ARL6IP6: variants seen among roughly 807,000 people sequenced by gnomAD.
The protein encoded by ARL6IP6 is ARF like GTPase 6 interacting protein 6.
In ARL6IP6, 22 loss-of-function variants were observed where a neutral mutation model predicts 21.5. That is an observed-to-expected ratio of 1.02 (90% confidence interval 0.73 to 1.46). The LOEUF (loss-of-function observed/expected upper bound fraction) is 1.46, where lower values mean the gene tolerates loss of function less well. ARL6IP6 is among the 40% of genes most tolerant of loss of function. The pLI, the probability that ARL6IP6 is intolerant of heterozygous loss-of-function variation, is 0.00. For synonymous variants in ARL6IP6, 164 were observed against 125.3 expected (o/e 1.31, Z -2.06); for missense variants, 388 against 299.8 (o/e 1.29, Z -2.17).
In ARL6IP6 at chr2:152,760,494, T is replaced by C. The variant is rs1381398914; in HGVS notation, c.*654T>C. Reference sequence around the variant, plus strand: ...CAACTGTAAACATTATTTTTTTAGCTAGTGCAAACCTAGTACCTGCCATTT... The same window carrying C: ...CAACTGTAAACATTATTTTTTTAGCCAGTGCAAACCTAGTACCTGCCATTT... On this transcript the variant is annotated 3_prime_UTR_variant, in exon 4 of 4. Transcript: ENST00000326446. The C allele has an allele frequency of 1.3e-5, 2 of 152,018 alleles. 1 individual carries two copies. The highest frequency in any genetic ancestry group is 3.8e-4 in the East Asian group (2 of 5,198). 9.4% of individuals were successfully genotyped at this position (152,018 alleles called of 1,614,324 possible).
chr2:152,738,143 A>C (rs373525921), intron 3 of ARL6IP6, among the ~76,000 whole-genome samples: 2 of 152,212 alleles, frequency 1.3e-5, no homozygotes, highest in South Asian at 2.1e-4. Context: ...TAAAGCTCCA[A>C]AATGATCTCC....
At chr2:152,733,014 G>A (rs1342342419) in intron 2 of ARL6IP6, among the ~76,000 whole-genome samples, 1 of 151,802 alleles carries the variant, frequency 6.6e-6, no homozygotes, top group African/African-American at 2.4e-5. Flanking sequence ...TTGAATTTTT[G>A]TATCATGGTT....
Position 152,761,891 on chromosome 2 carries a change from C to T in ARL6IP6, c.*2051C>T, listed in dbSNP as rs981433825. On this transcript the variant is annotated 3_prime_UTR_variant, in exon 4 of 4. Coordinates refer to ENST00000326446, the MANE Select transcript of ARL6IP6 (RefSeq NM_152522.7). ...AATATATCCTTGTCATTAAGCCAAA[C>T]ATGACTATATATACCTACAAGATAT... Among the ~76,000 whole-genome samples the T allele has an allele frequency of 6.6e-6, 1 of 152,064 alleles. No individual in the cohort carries two copies. The highest frequency in any genetic ancestry group is 6.6e-5 in the Admixed American group (1 of 15,264).
intron 1 of ARL6IP6, chr2:152,719,751 A>G (rs1014093110): frequency 0.025 from 31 of 1,244 alleles, no homozygotes; most frequent in Non-Finnish European, 0.048. Flanking sequence ...CAAGTTACTG[A>G]AAAAAAAAAA....
upstream of ARL6IP6, chr2:152,717,982 T>G (rs1225956181): frequency 4.0e-6 from 4 of 998,846 alleles, no homozygotes; most frequent in African/African-American, 7.0e-5. Context: ...GGGTTCGATC[T>G]CCGTACGCAC....
At chr2:152,756,540 A>T (rs1701601169) in intron 3 of ARL6IP6, among the ~76,000 whole-genome samples, 1 of 152,178 alleles carries the variant, frequency 6.6e-6, no homozygotes, top group Non-Finnish European at 1.5e-5. Flanking sequence ...AAGACACACC[A>T]TAATAAACAT....
chr2:152,720,650 G>T lies in ARL6IP6; in HGVS notation c.454+64G>T. The T allele has an allele frequency of 2.1e-6, 3 of 1,406,190 alleles. No homozygotes were observed. The South Asian group carries it at 3.6e-5, about 17-fold the overall frequency. The allele number at this position is 1,406,190 out of a possible 1,614,324, so 87.1% of individuals were successfully genotyped here. ...ACGTTTGTGTTTCTAGATCATGTTT[G>T]AACTAACTCTGGGATAAAATACTTA... is the stretch of plus-strand genomic sequence containing the variant. On this transcript the variant is annotated intron_variant, in intron 2 of 3. Transcript: ENST00000326446.
chr2:152,730,263 A>T (rs187769761), intron 2 of ARL6IP6, among the ~76,000 whole-genome samples: 8 of 152,310 alleles, frequency 5.3e-5, no homozygotes, highest in African/African-American at 1.9e-4. Context: ...CAAGTGAAAA[A>T]GTTCAACAGG....
chr2:152,758,362 T>C (rs770488593), intron 3 of ARL6IP6, among the ~76,000 whole-genome samples: 3 of 152,130 alleles, frequency 2.0e-5, no homozygotes, highest in Admixed American at 6.5e-5. Context: ...CCCACTGATA[T>C]GGAAGACCGA....
At chr2:152,721,178 A>G (rs928926067) in intron 2 of ARL6IP6, among the ~76,000 whole-genome samples, 4 of 152,296 alleles carry the variant, frequency 2.6e-5, no homozygotes, top group East Asian at 1.9e-4. Context: ...ACTGCATGTG[A>G]CTCAGGTCCA....
chr2:152,751,741 G>C (rs1451042774), intron 3 of ARL6IP6, among the ~76,000 whole-genome samples: 1 of 151,968 alleles, frequency 6.6e-6, no homozygotes, highest in East Asian at 1.9e-4. Flanking sequence ...ATTCTGTTGT[G>C]TATATGTACC....
chr2:152,745,505 T>C (rs1375163606), intron 3 of ARL6IP6, among the ~76,000 whole-genome samples: 1 of 152,060 alleles, frequency 6.6e-6, no homozygotes, highest in East Asian at 1.9e-4. Context: ...TCAAAAACAG[T>C]GGGTTAGTTA....
chr2:152,720,646 G>C, intron 2 of ARL6IP6, 60 bp downstream of exon 2: 1 of 1,424,846 alleles, frequency 7.0e-7, no homozygotes, highest in Non-Finnish European at 9.8e-7. Context: ...TCTAGATCAT[G>C]TTTGAACTAA....
At position 152,754,460 on chromosome 2, in the gene ARL6IP6, G is replaced by A. The variant is rs143297497; in HGVS notation, c.588-5287G>A. Among the ~76,000 whole-genome samples the A allele has an allele frequency of 5.9e-3, 892 of 152,172 alleles. 6 individuals carry two copies. Among genetic ancestry groups the A allele is most frequent in the African/African-American group, 0.021 (853 of 41,510 alleles). On this transcript the variant is annotated intron_variant, in intron 3 of 3. Transcript: ENST00000326446. ...TATGGATATACCATTTTTTAAATCC[G>A]TTCATCAGTTGATGGACATTTGGGT...
At chr2:152,737,066 T>A (rs1191058499) in intron 3 of ARL6IP6, among the ~76,000 whole-genome samples, 7 of 152,208 alleles carry the variant, frequency 4.6e-5, no homozygotes, top group African/African-American at 1.7e-4. Context: ...GCCTTCAGAA[T>A]AAAGTCCAAC....
chr2:152,747,091 AG>A (rs1451437963), intron 3 of ARL6IP6, among the ~76,000 whole-genome samples: 5 of 152,046 alleles, frequency 3.3e-5, no homozygotes, highest in African/African-American at 1.2e-4. Context: ...TAGTCTCCCA[AG>A]GCACTGGGAT....
chr2:152,717,722 A>C, upstream of ARL6IP6: 3 of 1,357,966 alleles, frequency 2.2e-6, no homozygotes, highest in African/African-American at 2.9e-5. Flanking sequence ...AAGGGAAGAC[A>C]ACAGTGTCCC....
chr2:152,760,510 C>G lies in ARL6IP6; in HGVS notation c.*670C>G, dbSNP rs1701791747. On this transcript the variant is annotated 3_prime_UTR_variant, in exon 4 of 4. Coordinates refer to ENST00000326446, the MANE Select transcript of ARL6IP6 (RefSeq NM_152522.7). ...TTTTTTAGCTAGTGCAAACCTAGTA[C>G]CTGCCATTTTTACTAATTTTTGTCT... The G allele has an allele frequency of 6.6e-6, 1 of 151,164 alleles. No individual in the cohort carries two copies. Among genetic ancestry groups the G allele is most frequent in the African/African-American group, 2.4e-5 (1 of 41,090 alleles). 9.4% of individuals were successfully genotyped at this position (151,164 alleles called of 1,614,324 possible). A position where few individuals can be genotyped will look rare whatever the true frequency, so the allele number is the denominator to read the frequency against.
Position 152,761,571 on chromosome 2 carries a change from A to G in ARL6IP6, c.*1731A>G, listed in dbSNP as rs1701845468. 6.6e-6 allele frequency among the ~76,000 whole-genome samples: 1 copy of G among 152,240 alleles called. No homozygotes were observed. Among genetic ancestry groups the G allele is most frequent in the Admixed American group, 6.5e-5 (1 of 15,274 alleles). ...TGTACACCCTAGACAGTCATGTGCC[A>G]TATAACAACGTTTTGGTCACAACGA... On this transcript the variant is annotated 3_prime_UTR_variant, in exon 4 of 4. Transcript: ENST00000326446.
Sources: allele counts gnomAD v4.1 joint callset (sites outside exome capture counted in the v4.1 genomes callset), GRCh38; gene constraint gnomAD v4.1.1; transcripts MANE v1.5; gene names NCBI Gene and HGNC (gene_info 2026-07-23, HGNC 2026-07-21).